WWOX: variants seen among roughly 807,000 people sequenced by gnomAD.
The protein encoded by WWOX is WW domain-containing oxidoreductase.
WWOX carries 69 observed loss-of-function variants against 46.2 expected under a neutral mutation model. The observed-to-expected ratio is 1.49, with a 90% confidence interval of 1.23 to 1.82. The LOEUF (loss-of-function observed/expected upper bound fraction) is 1.82. WWOX is among the 40% of genes most tolerant of loss of function. The pLI is 0.00. For missense variants in WWOX, 919 were observed against 542.6 expected, an observed-to-expected ratio of 1.69 and a Z score of -6.89; for synonymous variants, 359 against 202.6, an observed-to-expected ratio of 1.77 and a Z score of -6.56.
chr16:79,073,372 G>A (rs572385688), intron 8 of WWOX, among the ~76,000 whole-genome samples: 5 of 152,074 alleles, frequency 3.3e-5, no homozygotes, highest in African/African-American at 1.2e-4. Context: ...TGGAGACAGG[G>A]TTTCACCATG....
chr16:78,729,307 A>G (rs1391452564), intron 8 of WWOX, among the ~76,000 whole-genome samples: 1 of 151,790 alleles, frequency 6.6e-6, no homozygotes, highest in Non-Finnish European at 1.5e-5. Context: ...GCACCACTGC[A>G]CTCCAGCCTG....
chr16:78,824,514 GCT>G (rs2051594288), intron 8 of WWOX, among the ~76,000 whole-genome samples: 1 of 152,064 alleles, frequency 6.6e-6, no homozygotes. Flanking sequence ...TGTTTTTCAC[GCT>G]GCTGATAAAG....
At chr16:78,961,888 A>T (rs965486984) in intron 8 of WWOX, among the ~76,000 whole-genome samples, 1 of 152,152 alleles carries the variant, frequency 6.6e-6, no homozygotes, top group South Asian at 2.1e-4. Context: ...TTCCACATTG[A>T]CTGCATCCAA....
chr16:78,357,717 A>G (rs1266595462), intron 5 of WWOX, among the ~76,000 whole-genome samples: 3 of 152,200 alleles, frequency 2.0e-5, no homozygotes, highest in Non-Finnish European at 4.4e-5. Flanking sequence ...TCCACATGCC[A>G]GGCACAGTGC....
chr16:78,754,477 C>T (rs556340051), intron 8 of WWOX, among the ~76,000 whole-genome samples: 18 of 152,236 alleles, frequency 1.2e-4, no homozygotes, highest in East Asian at 1.2e-3. Flanking sequence ...TAGTACCTAC[C>T]GCTTTCTTTT....
chr16:78,621,526 A>C (rs542139284), intron 8 of WWOX, among the ~76,000 whole-genome samples: 1 of 147,766 alleles, frequency 6.8e-6, no homozygotes, highest in East Asian at 2.0e-4. Context: ...TAGTCTCAGA[A>C]CTTGGCTTTT....
intron 4 of WWOX, among the ~76,000 whole-genome samples, chr16:78,145,297 A>G (rs535751973): frequency 3.9e-5 from 6 of 152,286 alleles, no homozygotes; most frequent in African/African-American, 1.2e-4. Flanking sequence ...CTGAGGGACA[A>G]GGAAGCCAGT....
At chr16:78,768,331 T>C (rs1296150840) in intron 8 of WWOX, among the ~76,000 whole-genome samples, 2 of 143,008 alleles carry the variant, frequency 1.4e-5, no homozygotes, top group Non-Finnish European at 3.0e-5. Flanking sequence ...GGCTCATGCA[T>C]GTACTCCCAG....
intron 8 of WWOX, among the ~76,000 whole-genome samples, chr16:78,676,891 A>G (rs951020867): frequency 3.3e-5 from 5 of 152,216 alleles, no homozygotes; most frequent in African/African-American, 1.2e-4. Flanking sequence ...ACTTTAATAC[A>G]TTATTGATAA....
intron 5 of WWOX, among the ~76,000 whole-genome samples, chr16:78,310,208 C>G (rs1375331366): frequency 2.0e-5 from 3 of 152,142 alleles, no homozygotes; most frequent in Non-Finnish European, 4.4e-5. Flanking sequence ...GTGTTTCCTT[C>G]TACCCACGAA....
At chr16:78,738,182 A>G (rs899130278) in intron 8 of WWOX, among the ~76,000 whole-genome samples, 1 of 152,176 alleles carries the variant, frequency 6.6e-6, no homozygotes, top group African/African-American at 2.4e-5. Context: ...ATAAAAGTTC[A>G]GAAGGTTGTT....
chr16:78,155,893 C>CT (rs938824541), intron 4 of WWOX, among the ~76,000 whole-genome samples: 4 of 152,076 alleles, frequency 2.6e-5, no homozygotes, highest in South Asian at 2.1e-4. Context: ...CATTATTAAG[C>CT]TTTTTTTATA....
chr16:78,636,501 CTA>C (rs2046575140), intron 8 of WWOX, among the ~76,000 whole-genome samples: 1 of 152,172 alleles, frequency 6.6e-6, no homozygotes, highest in South Asian at 2.1e-4. Flanking sequence ...CTGCTGTGTA[CTA>C]TCTTTTTTTT....
intron 8 of WWOX, among the ~76,000 whole-genome samples, chr16:78,890,053 T>A (rs1410489507): frequency 6.6e-6 from 1 of 152,124 alleles, no homozygotes; most frequent in East Asian, 1.9e-4. Flanking sequence ...ACAAAAACAT[T>A]GCATTTATTA....
At chr16:79,042,176 A>G (rs1008085435) in intron 8 of WWOX, among the ~76,000 whole-genome samples, 1 of 152,098 alleles carries the variant, frequency 6.6e-6, no homozygotes, top group African/African-American at 2.4e-5. Context: ...AGATGCACAC[A>G]GTGATTGAGT....
At chr16:78,437,539 C>T (rs1404109313) in intron 8 of WWOX, among the ~76,000 whole-genome samples, 4 of 152,162 alleles carry the variant, frequency 2.6e-5, no homozygotes, top group South Asian at 2.1e-4. Flanking sequence ...CTCAGCACAG[C>T]GGCCCCTACT....
chr16:78,947,549 A>G (rs1377168711), intron 8 of WWOX, among the ~76,000 whole-genome samples: 1 of 152,186 alleles, frequency 6.6e-6, no homozygotes, highest in Admixed American at 6.5e-5. Flanking sequence ...TCTTCCTCTG[A>G]TGAGCTGTCT....
At chr16:78,767,432 A>G (rs912102733) in intron 8 of WWOX, among the ~76,000 whole-genome samples, 12 of 151,526 alleles carry the variant, frequency 7.9e-5, no homozygotes, top group Admixed American at 6.6e-5. Flanking sequence ...ACCTGCCACA[A>G]AATTTCTTTG....
rs142106733 is a variant in WWOX, at chr16:78,869,454, C to G, written c.1057-342154C>G. Among the ~76,000 whole-genome samples the G allele has an allele frequency of 3.9e-3, 601 of 152,304 alleles. 5 individuals are homozygous for G. Among genetic ancestry groups the G allele is most frequent in the African/African-American group, 0.013 (521 of 41,548 alleles). On this transcript the variant is annotated intron_variant, in intron 8 of 8. Transcript: ENST00000566780. ...ACAGTCACCAACACAAGTTTATACG[C>G]AAGAAGTGCACACAGCCCTCCCTCC...
Sources: allele counts gnomAD v4.1 joint callset (sites outside exome capture counted in the v4.1 genomes callset), GRCh38; gene constraint gnomAD v4.1.1; transcripts MANE v1.5; gene names NCBI Gene and HGNC (gene_info 2026-07-23, HGNC 2026-07-21).